KANSL1: variants seen among roughly 807,000 people sequenced by gnomAD.
The protein encoded by KANSL1 is KAT8 regulatory NSL complex subunit 1.
Under a neutral mutation model 103.6 loss-of-function variants are expected in KANSL1, and 22 were observed. That is an observed-to-expected ratio of 0.21 (90% CI 0.15 to 0.30). The LOEUF (loss-of-function observed/expected upper bound fraction) is 0.30, where lower values mean the gene tolerates loss of function less well. Among genes scored for constraint, KANSL1 ranks in the 10% least tolerant of loss-of-function variants. KANSL1 has a pLI of 1.00. For missense variants in KANSL1, 1,337 were observed against 1,399.8 expected (o/e 0.96, Z 0.72); for synonymous variants, 600 against 527.6 (o/e 1.14, Z -1.88).
chr17:46,187,273 C>G (rs1314641718), intron 1 of KANSL1, among the ~76,000 whole-genome samples: 1 of 152,210 alleles, frequency 6.6e-6, no homozygotes, highest in African/African-American at 2.4e-5. Flanking sequence ...TACCTTCCAA[C>G]TGAATTTAAC....
chr17:46,091,017 A>G (rs1248615698), intron 3 of KANSL1, among the ~76,000 whole-genome samples: 1 of 151,920 alleles, frequency 6.6e-6, no homozygotes, highest in Non-Finnish European at 1.5e-5. Context: ...AAAGAAGTGA[A>G]CTGTGAAACA....
rs2146533761 is a variant in KANSL1 at position 46,055,353 on chromosome 17, T to A, written c.1849-4649A>T. On this transcript the variant is annotated intron_variant, in intron 6 of 14. Coordinates refer to ENST00000432791, the MANE Select transcript of KANSL1 (RefSeq NM_015443.4). ...GGTGGCGGGCGCCTGTAATCCCAGC[T>A]ACTCGGGAGGCTGAGGCAGAAGAAT... Among the ~76,000 whole-genome samples, 4 of 151,518 alleles carry A rather than the reference T, an allele frequency of 2.6e-5. No homozygotes were observed. The East Asian group carries it at 7.9e-4, about 30-fold the overall frequency.
intron 10 of KANSL1, chr17:46,037,689 G>A (rs549550727): frequency 5.3e-5 from 8 of 152,320 alleles, no homozygotes; most frequent in African/African-American, 1.9e-4. Context: ...TGTAACACAT[G>A]TAAATCACTG....
rs927194240 is a variant in KANSL1, at chr17:46,166,507, G to A, written c.1289+4348C>T. Among the ~76,000 whole-genome samples, 7 of 150,044 alleles carry A rather than the reference G, an allele frequency of 4.7e-5. No homozygotes were observed. The East Asian group carries it at 5.8e-4, about 12-fold the overall frequency. On this transcript the variant is annotated intron_variant, in intron 2 of 14. Transcript: ENST00000432791. ...AGCCTGGGCAACAAGAGCAACATTC[G>A]GTCTCCAAAAAAAAAAAAAATTCCT... is the stretch of plus-strand genomic sequence containing the variant.
chr17:46,203,241 A>T (rs528175878), intron 1 of KANSL1, among the ~76,000 whole-genome samples: 2 of 152,120 alleles, frequency 1.3e-5, no homozygotes, highest in Middle Eastern at 3.2e-3. Context: ...CTCCGTCTCA[A>T]AAAAAAAGAA....
At chr17:46,095,793 C>T (rs1163665332) in intron 2 of KANSL1, among the ~76,000 whole-genome samples, 1 of 151,982 alleles carries the variant, frequency 6.6e-6, no homozygotes, top group Non-Finnish European at 1.5e-5. Context: ...GACGATTAAA[C>T]ATCAGAATAT....
At chr17:46,122,652 A>G (rs1046689739) in intron 2 of KANSL1, among the ~76,000 whole-genome samples, 3 of 152,194 alleles carry the variant, frequency 2.0e-5, no homozygotes, top group Non-Finnish European at 4.4e-5. Flanking sequence ...GCAACCCTGC[A>G]TCAAGCAAGT....
At position 46,031,335 on chromosome 17, in the gene KANSL1, T is replaced by A. The variant is rs76025910; in HGVS notation, c.*141A>T. On this transcript the variant is annotated 3_prime_UTR_variant, in exon 15 of 15. Transcript: ENST00000432791. ...CAAAAATTAAAACAAGAAAAAAAAA[T>A]ACCAAAGTAGGATCTAAATTCCTTA... 2.5e-6 allele frequency: 2 copies of A among 798,934 alleles called. No individual in the cohort carries two copies. Among genetic ancestry groups the A allele is most frequent in the South Asian group, 2.0e-5 (1 of 51,160 alleles). The allele number at this position is 798,934 out of a possible 1,614,324, so 49.5% of individuals were successfully genotyped here. A position where few individuals can be genotyped will look rare whatever the true frequency, so the allele number is the denominator to read the frequency against.
At chr17:46,095,533 A>C (rs2042023812) in intron 2 of KANSL1, among the ~76,000 whole-genome samples, 2 of 152,240 alleles carry the variant, frequency 1.3e-5, no homozygotes, top group African/African-American at 2.4e-5. Context: ...AAATAGTACT[A>C]AACTGGCCAG....
intron 2 of KANSL1, among the ~76,000 whole-genome samples, chr17:46,105,142 T>C (rs376903698): frequency 1.5e-3 from 234 of 152,308 alleles, no homozygotes; most frequent in African/African-American, 3.7e-3. Flanking sequence ...AATAAGACTG[T>C]TATGTTTCAA....
chr17:46,189,572 T>C (rs914577057), intron 1 of KANSL1, among the ~76,000 whole-genome samples: 1 of 152,230 alleles, frequency 6.6e-6, no homozygotes, highest in Non-Finnish European at 1.5e-5. Flanking sequence ...TTTGGTGTTT[T>C]ATAGCACATT....
intron 2 of KANSL1, among the ~76,000 whole-genome samples, chr17:46,103,984 C>A (rs1340468195): frequency 6.6e-6 from 1 of 152,130 alleles, no homozygotes; most frequent in Non-Finnish European, 1.5e-5. Flanking sequence ...GCCAAGATCA[C>A]GCCACTGCAC....
chr17:46,082,105 T>C (rs957080054), intron 4 of KANSL1, among the ~76,000 whole-genome samples: 2 of 152,138 alleles, frequency 1.3e-5, no homozygotes, highest in African/African-American at 4.8e-5. Flanking sequence ...TATAATATAT[T>C]AGAGTGGCCC....
intron 10 of KANSL1, 193 bp downstream of exon 10, chr17:46,038,344 GA>G: frequency 1.6e-6 from 1 of 620,506 alleles, no homozygotes; most frequent in South Asian, 2.4e-5. Context: ...AACAACTCAA[GA>G]AAAACAACAG....
rs780631969 is a variant in KANSL1, at chr17:46,171,987, C to T, written c.157G>A (p.Ala53Thr). The stretch of plus-strand genomic sequence containing the variant: ...AGGCTGGGATCCTCTGCAGCAATGG[C>T]TTTTCTTTTGGTTCCGTTGGCAGCA... ...LIAANGTKRK[A>T]IAAEDPSLDF... Residue 53 changes from alanine (A) to threonine (T), a missense_variant, in exon 2 of 15, where the codon GCC (alanine) becomes ACC (threonine). Physicochemically the swap from Ala to Thr is moderately conservative, Grantham distance 58. Transcript: ENST00000432791. 7.4e-6 allele frequency: 12 copies of T among 1,614,250 alleles called. No individual in the cohort carries two copies. Among genetic ancestry groups the T allele is most frequent in the Admixed American group, 5.0e-5 (3 of 60,032 alleles).
At chr17:46,201,338 G>A (rs2047798951) in intron 1 of KANSL1, among the ~76,000 whole-genome samples, 1 of 152,168 alleles carries the variant, frequency 6.6e-6, no homozygotes, top group South Asian at 2.1e-4. Flanking sequence ...AACTTTTTTG[G>A]AGTATCAATT....
At chr17:46,128,095 C>T (rs1294148368) in intron 2 of KANSL1, among the ~76,000 whole-genome samples, 1 of 152,026 alleles carries the variant, frequency 6.6e-6, no homozygotes, top group Non-Finnish European at 1.5e-5. Context: ...GGGTTACAAG[C>T]GTGAACCACT....
At chr17:46,133,655 A>C (rs769835188) in intron 2 of KANSL1, among the ~76,000 whole-genome samples, 1 of 152,228 alleles carries the variant, frequency 6.6e-6, no homozygotes, top group Non-Finnish European at 1.5e-5. Context: ...TGACAATAAC[A>C]AGGTATCTTT....
chr17:46,200,556 C>T (rs1462967275), intron 1 of KANSL1, among the ~76,000 whole-genome samples: 2 of 152,082 alleles, frequency 1.3e-5, no homozygotes, highest in Admixed American at 6.5e-5. Context: ...TCCTGGCCAA[C>T]GTGGTGAAAC....
Sources: allele counts gnomAD v4.1 joint callset (sites outside exome capture counted in the v4.1 genomes callset), GRCh38; gene constraint gnomAD v4.1.1; transcripts MANE v1.5; gene names NCBI Gene and HGNC (gene_info 2026-07-23, HGNC 2026-07-21).